NR6A1: variants seen among roughly 807,000 people sequenced by gnomAD.
The protein encoded by NR6A1 is nuclear receptor subfamily 6 group A member 1.
NR6A1 carries 7 observed loss-of-function variants against 59.1 expected under a neutral mutation model. That is an observed-to-expected ratio of 0.12 (90% confidence interval 0.07 to 0.22). NR6A1 has a LOEUF of 0.22. Among genes scored for constraint, NR6A1 ranks in the 10% least tolerant of loss-of-function variants. The pLI, the probability that NR6A1 is intolerant of heterozygous loss-of-function variation, is 1.00. For synonymous variants in NR6A1, 243 were observed against 236.1 expected (o/e 1.03, Z -0.27); for missense variants, 468 against 611.6 (o/e 0.77, Z 2.48).
At chr9:124,732,230 C>T (rs933088821) in intron 2 of NR6A1, among the ~76,000 whole-genome samples, 9 of 152,208 alleles carry the variant, frequency 5.9e-5, no homozygotes, top group African/African-American at 9.7e-5. Flanking sequence ...ATCTCAACAG[C>T]AGACTGGTGG....
At chr9:124,544,303 G>C (rs972365822) in intron 3 of NR6A1, among the ~76,000 whole-genome samples, 1 of 152,166 alleles carries the variant, frequency 6.6e-6, no homozygotes, top group African/African-American at 2.4e-5. Flanking sequence ...TCATTAATCA[G>C]AATTTTGACC....
chr9:124,553,839 T>C (rs780022241), intron 3 of NR6A1, among the ~76,000 whole-genome samples: 14 of 152,206 alleles, frequency 9.2e-5, no homozygotes, highest in Non-Finnish European at 1.0e-4. Flanking sequence ...AGAACGTCAG[T>C]TTGTTCATAT....
chr9:124,671,376 T>C (rs886131587), intron 2 of NR6A1, among the ~76,000 whole-genome samples: 1 of 152,160 alleles, frequency 6.6e-6, no homozygotes, highest in East Asian at 1.9e-4. Flanking sequence ...GTAAAATGAG[T>C]TATCACCAAA....
At chr9:124,538,426 T>A in intron 5 of NR6A1, 107 bp from the exon 6 acceptor site, 1 of 769,768 alleles carries the variant, frequency 1.3e-6, no homozygotes, top group Admixed American at 2.5e-5. Flanking sequence ...ATGAGGTATG[T>A]GTCTTCATCA....
intron 2 of NR6A1, among the ~76,000 whole-genome samples, chr9:124,697,389 G>A (rs570952999): frequency 6.6e-6 from 1 of 152,200 alleles, no homozygotes; most frequent in African/African-American, 2.4e-5. Flanking sequence ...GAGCTCTGCA[G>A]AAGATAAAAG....
intron 2 of NR6A1, among the ~76,000 whole-genome samples, chr9:124,667,419 T>C (rs1837658020): frequency 6.6e-6 from 1 of 152,116 alleles, no homozygotes; most frequent in African/African-American, 2.4e-5. Flanking sequence ...GGCATAAGTA[T>C]ATCTAAAATA....
intron 7 of NR6A1, among the ~76,000 whole-genome samples, chr9:124,527,707 T>TTTTCCA (rs1193854761): frequency 1.3e-5 from 2 of 152,172 alleles, no homozygotes; most frequent in Non-Finnish European, 2.9e-5. Context: ...TCTAAGGTGG[T>TTTTCCA]GTACCCTAGC....
intron 1 of NR6A1, among the ~76,000 whole-genome samples, chr9:124,769,658 G>A (rs916770225): frequency 2.6e-5 from 4 of 152,224 alleles, no homozygotes; most frequent in Admixed American, 1.3e-4. Flanking sequence ...AGAGAACTGC[G>A]AGTTTATGGC....
intron 2 of NR6A1, among the ~76,000 whole-genome samples, chr9:124,625,002 A>T (rs1836193352): frequency 6.7e-6 from 1 of 150,330 alleles, no homozygotes; most frequent in Non-Finnish European, 1.5e-5. Context: ...ATATTTGGAT[A>T]ACTTTCTAGC....
At position 124,518,042 on chromosome 9, in the gene NR6A1, A is replaced by G. The variant is rs982394314; in HGVS notation, c.*4663T>C. The G allele has an allele frequency of 6.6e-6, 1 of 151,290 alleles. No homozygotes were observed. The highest frequency in any genetic ancestry group is 6.6e-5 in the Admixed American group (1 of 15,164). The allele number at this position is 151,290 out of a possible 1,614,324, so 9.4% of individuals were successfully genotyped here. A position where few individuals can be genotyped will look rare whatever the true frequency, so the allele number is the denominator to read the frequency against. The stretch of plus-strand genomic sequence containing the variant: ...TTAGAGAAAGAAAACAATGGTCATT[A>G]AAGGGCAAAGACGGCAGGGCTAGAT... On this transcript the variant is annotated 3_prime_UTR_variant, in exon 10 of 10. Coordinates refer to ENST00000487099, the MANE Select transcript of NR6A1 (RefSeq NM_033334.4).
chr9:124,643,101 T>TGG (rs539674589), intron 2 of NR6A1, among the ~76,000 whole-genome samples: 1,082 of 31,214 alleles, frequency 0.035, 12 homozygotes, highest in East Asian at 0.18. Context: ...AGCCCTCGGG[T>TGG]GGGGGGGGGG....
chr9:124,615,198 C>G (rs1184124863), intron 2 of NR6A1, among the ~76,000 whole-genome samples: 1 of 152,160 alleles, frequency 6.6e-6, no homozygotes, highest in African/African-American at 2.4e-5. Flanking sequence ...GAATGTAATT[C>G]CATCATTACA....
At chr9:124,717,186 G>A (rs373803272) in intron 2 of NR6A1, among the ~76,000 whole-genome samples, 8 of 152,046 alleles carry the variant, frequency 5.3e-5, no homozygotes, top group African/African-American at 1.2e-4. Flanking sequence ...AAATCTGTTC[G>A]GAAATTTCAT....
chr9:124,649,661 A>C (rs1263383728), intron 2 of NR6A1, among the ~76,000 whole-genome samples: 1 of 152,184 alleles, frequency 6.6e-6, no homozygotes, highest in East Asian at 1.9e-4. Flanking sequence ...CGACAAAATA[A>C]AGAGATAACC....
intron 2 of NR6A1, among the ~76,000 whole-genome samples, chr9:124,714,923 G>T (rs1268425722): frequency 6.6e-6 from 1 of 152,108 alleles, no homozygotes; most frequent in Non-Finnish European, 1.5e-5. Flanking sequence ...ACATTGGCTG[G>T]GCACGGTGAC....
intron 1 of NR6A1, among the ~76,000 whole-genome samples, chr9:124,767,634 A>G (rs1840976792): frequency 6.6e-6 from 1 of 152,158 alleles, no homozygotes; most frequent in Admixed American, 6.5e-5. Flanking sequence ...GGCAACTCAG[A>G]ATTAACTTAA....
intron 1 of NR6A1, among the ~76,000 whole-genome samples, chr9:124,738,924 C>A (rs1327083136): frequency 6.6e-6 from 1 of 151,826 alleles, no homozygotes; most frequent in Admixed American, 6.6e-5. Flanking sequence ...ATCATTTGAA[C>A]CCGGGAGGCG....
chr9:124,546,164 C>A (rs1311851084), intron 3 of NR6A1, among the ~76,000 whole-genome samples: 2 of 152,142 alleles, frequency 1.3e-5, no homozygotes, highest in East Asian at 3.8e-4. Context: ...TAACAAAATA[C>A]GTATATGATA....
At chr9:124,626,081 A>T (rs142426449) in intron 2 of NR6A1, among the ~76,000 whole-genome samples, 14 of 152,316 alleles carry the variant, frequency 9.2e-5, no homozygotes, top group African/African-American at 3.4e-4. Flanking sequence ...ATCTCAGCTT[A>T]CTGCAACCTC....
Sources: allele counts gnomAD v4.1 joint callset (sites outside exome capture counted in the v4.1 genomes callset), GRCh38; gene constraint gnomAD v4.1.1; transcripts MANE v1.5; gene names NCBI Gene and HGNC (gene_info 2026-07-23, HGNC 2026-07-21).